Variants in CNNM2 observed in about 807,000 individuals in gnomAD.
The protein encoded by CNNM2 is metal transporter CNNM2.
Under a neutral mutation model 66.9 loss-of-function variants are expected in CNNM2, and 12 were observed. That is an observed-to-expected ratio of 0.18 (90% confidence interval 0.11 to 0.29). CNNM2 has a LOEUF of 0.29. Ranked by LOEUF, CNNM2 falls within the 10% of genes least tolerant of loss-of-function variation. CNNM2 has a pLI of 1.00. For missense variants in CNNM2, 705 were observed against 1,167.7 expected (o/e 0.60, Z 5.77); for synonymous variants, 557 against 501.8 (o/e 1.11, Z -1.47).
At chr10:102,958,956 C>T (rs982410863) in intron 1 of CNNM2, among the ~76,000 whole-genome samples, 1 of 151,484 alleles carries the variant, frequency 6.6e-6, no homozygotes, top group African/African-American at 2.4e-5. Context: ...ATTTATTATT[C>T]TTATTTTTTG....
chr10:102,951,219 C>T (rs1443212845), intron 1 of CNNM2, among the ~76,000 whole-genome samples: 3 of 150,080 alleles, frequency 2.0e-5, no homozygotes, highest in South Asian at 2.1e-4. Flanking sequence ...TTTTTTGAGG[C>T]GGAGTCTCAC....
rs1047936997 is a variant in CNNM2 at position 103,088,296 on chromosome 10, C to T, written c.*11116C>T. ...TTGTTTAAAATGTTGAAACAACTTT[C>T]ACTGTACTGGTGAAACAGTTTTAAT... On this transcript the variant is annotated 3_prime_UTR_variant, in exon 8 of 8. Transcript: ENST00000369878. The T allele has an allele frequency of 2.0e-5, 3 of 152,212 alleles. No homozygotes were observed. The highest frequency in any genetic ancestry group is 7.2e-5 in the African/African-American group (3 of 41,456). The allele number at this position is 152,212 out of a possible 1,614,324, so 9.4% of individuals were successfully genotyped here.
intron 4 of CNNM2, among the ~76,000 whole-genome samples, chr10:103,064,609 C>T (rs1377282788): frequency 1.3e-5 from 2 of 152,140 alleles, no homozygotes; most frequent in Non-Finnish European, 2.9e-5. Context: ...CTTTGGGAGA[C>T]TGAGGAGGGA....
At chr10:103,069,481 G>A (rs1175036997) in intron 5 of CNNM2, among the ~76,000 whole-genome samples, 1 of 152,138 alleles carries the variant, frequency 6.6e-6, no homozygotes, top group Non-Finnish European at 1.5e-5. Context: ...CAGTTTGGGA[G>A]GTCTTAATTT....
rs529109432 is a variant in CNNM2, at chr10:102,996,232, A to ATT, written c.1622-53465_1622-53464dup. Among the ~76,000 whole-genome samples the ATT allele has an allele frequency of 4.2e-5, 6 of 141,662 alleles. No individual in the cohort carries two copies. The South Asian group carries it at 1.1e-3, about 26-fold the overall frequency. The allele number at this position is 141,662 out of a possible 152,430, so 92.9% of individuals were successfully genotyped here. ...TTTCAAAGAATGAAGGTTTGGTTTC[A>ATT]TTTTTTTTTTTCTATTGTTTTTCTG... On this transcript the variant is annotated intron_variant, in intron 1 of 7. Transcript: ENST00000369878.
At chr10:102,999,067 TTC>T (rs2064060452) in intron 1 of CNNM2, among the ~76,000 whole-genome samples, 1 of 147,754 alleles carries the variant, frequency 6.8e-6, no homozygotes, top group African/African-American at 2.5e-5. Context: ...TCGCTTATAT[TTC>T]TTTTTTCTTT....
chr10:102,947,810 G>A (rs1846673450), intron 1 of CNNM2, among the ~76,000 whole-genome samples: 1 of 152,116 alleles, frequency 6.6e-6, no homozygotes. Flanking sequence ...CTAGCACTTT[G>A]GGAGGCCAAG....
chr10:102,929,858 G>A (rs936596123), intron 1 of CNNM2, among the ~76,000 whole-genome samples: 1 of 152,020 alleles, frequency 6.6e-6, no homozygotes, highest in Admixed American at 6.5e-5. Context: ...TAAGACTAAA[G>A]GAAGATCAAA....
Position 103,054,480 on chromosome 10 carries a change from A to G in CNNM2, c.1903+14A>G, listed in dbSNP as rs759526109. On this transcript the variant is annotated intron_variant, in intron 3 of 7. Transcript: ENST00000369878. The surrounding 1 kb of genome is among the most constrained non-coding windows in gnomAD (Gnocchi z 5.2). Reference sequence around the variant, plus strand: ...TCCTAGCAACAGGCAAGTGCAGCTTATCACAGTTTGAGATCTCTACCAACC... The same window carrying G: ...TCCTAGCAACAGGCAAGTGCAGCTTGTCACAGTTTGAGATCTCTACCAACC... The G allele has an allele frequency of 3.1e-6, 5 of 1,613,026 alleles. No homozygotes were observed. Among genetic ancestry groups the G allele is most frequent in the Non-Finnish European group, 8.5e-7 (1 of 1,179,290 alleles).
chr10:102,937,563 A>T (rs779994185), intron 1 of CNNM2, among the ~76,000 whole-genome samples: 2 of 152,204 alleles, frequency 1.3e-5, no homozygotes, highest in Admixed American at 6.5e-5. Flanking sequence ...AGATAAAAGG[A>T]GTGTTCTGAA....
intron 1 of CNNM2, among the ~76,000 whole-genome samples, chr10:102,979,148 T>A (rs2063682606): frequency 6.6e-6 from 1 of 152,110 alleles, no homozygotes; most frequent in Non-Finnish European, 1.5e-5. Flanking sequence ...TACCTAGGAG[T>A]AGGATCTGTG....
chr10:103,013,805 A>T (rs776413399), intron 1 of CNNM2, among the ~76,000 whole-genome samples: 5 of 152,236 alleles, frequency 3.3e-5, no homozygotes, highest in Non-Finnish European at 7.3e-5. Flanking sequence ...GAAACAAGTT[A>T]TGGTGACTGG....
At chr10:102,948,052 A>C (rs759642094) in intron 1 of CNNM2, among the ~76,000 whole-genome samples, 6 of 152,140 alleles carry the variant, frequency 3.9e-5, no homozygotes, top group Non-Finnish European at 7.4e-5. Flanking sequence ...ACTCCCTCTC[A>C]AAAAACAAAA....
At chr10:103,047,476 C>T (rs1354772888) in intron 1 of CNNM2, among the ~76,000 whole-genome samples, 2 of 152,174 alleles carry the variant, frequency 1.3e-5, no homozygotes, top group Non-Finnish European at 2.9e-5. Flanking sequence ...AAATAATCAG[C>T]GAAATCCAAA....
chr10:103,050,874 T>C (rs2065202591), intron 2 of CNNM2, among the ~76,000 whole-genome samples: 1 of 152,050 alleles, frequency 6.6e-6, no homozygotes, highest in Non-Finnish European at 1.5e-5. Flanking sequence ...CTCATTAAAG[T>C]GTAAAATATG....
intron 1 of CNNM2, among the ~76,000 whole-genome samples, chr10:102,940,002 A>ACAAC (rs113981545): frequency 6.6e-6 from 1 of 151,040 alleles, no homozygotes; most frequent in African/African-American, 2.4e-5. Flanking sequence ...AACAACAACA[A>ACAAC]AAAAAAAACC....
chr10:103,058,566 ATC>A (rs1252321596), intron 4 of CNNM2, among the ~76,000 whole-genome samples: 2 of 152,238 alleles, frequency 1.3e-5, no homozygotes, highest in Non-Finnish European at 2.9e-5. Context: ...GGACTTCATA[ATC>A]TCTGTCCATT....
At chr10:103,027,558 A>T (rs951251997) in intron 1 of CNNM2, 1 of 152,226 alleles carries the variant, frequency 6.6e-6, no homozygotes, top group African/African-American at 2.4e-5. Context: ...TAGAGTTGCT[A>T]TATTGAACTT....
At chr10:102,956,250 T>G (rs1564819981) in intron 1 of CNNM2, among the ~76,000 whole-genome samples, 1 of 144,906 alleles carries the variant, frequency 6.9e-6, no homozygotes, top group Non-Finnish European at 1.5e-5. Flanking sequence ...ATCGCGCCAC[T>G]TCACTCCAGC....
Sources: gnomAD v4.1 joint callset for allele counts (sites outside exome capture counted in the v4.1 genomes callset) on GRCh38, gnomAD v4.1.1 for gene constraint, Gnocchi (gnomAD v3.1) non-coding constraint, MANE v1.5 for transcripts, NCBI Gene and HGNC (gene_info 2026-07-23, HGNC 2026-07-21) for gene names.